FAM120B: variants seen among roughly 807,000 people sequenced by gnomAD.
The protein encoded by FAM120B is family with sequence similarity 120 member B.
Under a neutral mutation model 96.3 loss-of-function variants are expected in FAM120B, and 83 were observed. That is an observed-to-expected ratio of 0.86 (90% confidence interval 0.72 to 1.03). The LOEUF (loss-of-function observed/expected upper bound fraction) is 1.03. Among genes scored for constraint, FAM120B ranks in the 50% least tolerant of loss-of-function variants. The pLI is 0.00. For missense variants in FAM120B, 1,027 were observed against 1,121.2 expected, an observed-to-expected ratio of 0.92 and a Z score of 1.20; for synonymous variants, 407 against 402.7, an observed-to-expected ratio of 1.01 and a Z score of -0.13.
At chr6:170,321,426 T>C (rs1180645436) in intron 2 of FAM120B, among the ~76,000 whole-genome samples, 1 of 152,220 alleles carries the variant, frequency 6.6e-6, no homozygotes, top group East Asian at 1.9e-4. Context: ...AGGGTCTCAC[T>C]GTCACCCAGG....
chr6:170,391,878 T>C (rs1790498251), intron 8 of FAM120B, among the ~76,000 whole-genome samples: 1 of 152,224 alleles, frequency 6.6e-6, no homozygotes, highest in African/African-American at 2.4e-5. Flanking sequence ...GTGAGTACAC[T>C]CCATGCAGTT....
intron 4 of FAM120B, among the ~76,000 whole-genome samples, chr6:170,339,416 C>CT (rs1352107356): frequency 6.6e-6 from 1 of 151,620 alleles, no homozygotes; most frequent in African/African-American, 2.4e-5. Flanking sequence ...AAGTATGTAA[C>CT]TTGAAATCCT....
At chr6:170,378,034 C>G (rs946876797) in intron 6 of FAM120B, among the ~76,000 whole-genome samples, 1 of 152,218 alleles carries the variant, frequency 6.6e-6, no homozygotes, top group Non-Finnish European at 1.5e-5. Flanking sequence ...CCCTTTCAAG[C>G]TATGACCTTT....
intron 9 of FAM120B, among the ~76,000 whole-genome samples, chr6:170,401,519 G>A (rs1220104497): frequency 6.6e-6 from 1 of 152,190 alleles, no homozygotes; most frequent in Non-Finnish European, 1.5e-5. Context: ...GGGCCAGGGA[G>A]CAGGGAGGGA....
chr6:170,366,930 A>G (rs1788841447), intron 6 of FAM120B, among the ~76,000 whole-genome samples: 1 of 151,862 alleles, frequency 6.6e-6, no homozygotes. Context: ...TGCCATATTC[A>G]TATTCAGGAC....
chr6:170,363,522 G>A lies in FAM120B; in HGVS notation c.2283+5204G>A, dbSNP rs1788592701. On this transcript the variant is annotated intron_variant, in intron 6 of 10. Coordinates refer to ENST00000476287, the MANE Select transcript of FAM120B (RefSeq NM_032448.3). The surrounding 1 kb of genome is among the most constrained non-coding windows in gnomAD (Gnocchi z 4.5). ...ACAGCAAGCTGTGTGTGCTGTGTTT[G>A]TTAACATAGAGTGTGATGACTGATC... 1.3e-5 allele frequency among the ~76,000 whole-genome samples: 2 copies of A among 152,232 alleles called. No homozygotes were observed. The highest frequency in any genetic ancestry group is 2.9e-5 in the Non-Finnish European group (2 of 68,050).
intron 6 of FAM120B, among the ~76,000 whole-genome samples, chr6:170,377,226 G>A (rs1220125439): frequency 2.8e-5 from 3 of 106,062 alleles, no homozygotes; most frequent in Admixed American, 8.7e-5. Context: ...CTGTGCACAC[G>A]CGTCCCTAAT....
At chr6:170,376,730 G>A (rs1789543797) in intron 6 of FAM120B, among the ~76,000 whole-genome samples, 1 of 152,336 alleles carries the variant, frequency 6.6e-6, no homozygotes, top group African/African-American at 2.4e-5. Context: ...ATCTTTTGAG[G>A]CGTTCGAATG....
chr6:170,297,973 G>C (rs1468760729), intron 1 of FAM120B: 4 of 152,176 alleles, frequency 2.6e-5, no homozygotes, highest in African/African-American at 9.7e-5. Flanking sequence ...TCAGATGTAA[G>C]ACTTAGATTT....
chr6:170,358,676 G>T (rs9295398), intron 6 of FAM120B, among the ~76,000 whole-genome samples: 1 of 152,062 alleles, frequency 6.6e-6, no homozygotes. Flanking sequence ...GCTGCTGGCT[G>T]AAGGGTGGGG....
upstream of FAM120B, among the ~76,000 whole-genome samples, chr6:170,293,082 A>C (rs1340438611): frequency 1.3e-5 from 2 of 152,166 alleles, no homozygotes; most frequent in African/African-American, 4.8e-5. Flanking sequence ...ACCTAGTGTC[A>C]GGATCCTTTT....
intron 4 of FAM120B, among the ~76,000 whole-genome samples, chr6:170,334,995 T>G (rs1329767521): frequency 6.6e-6 from 1 of 152,118 alleles, no homozygotes; most frequent in Admixed American, 6.6e-5. Flanking sequence ...TTTGTTCATC[T>G]AAAGATTCAC....
chr6:170,336,939 A>ACAATGGGGTTTTCTAAATATACACAGAC (rs1434172216), intron 4 of FAM120B, among the ~76,000 whole-genome samples: 1 of 152,182 alleles, frequency 6.6e-6, no homozygotes, highest in Admixed American at 6.5e-5. Context: ...TTGGGCTGAG[A>ACAATGGGGTTTTCTAAATATACACAGAC]CAATGGGGTT....
At chr6:170,398,747 G>C (rs933113209) in intron 9 of FAM120B, among the ~76,000 whole-genome samples, 1 of 149,404 alleles carries the variant, frequency 6.7e-6, no homozygotes, top group African/African-American at 2.5e-5. Flanking sequence ...GAGTGAGTGA[G>C]AAAGGTAGAA....
intron 6 of FAM120B, among the ~76,000 whole-genome samples, chr6:170,369,486 G>T (rs929594862): frequency 6.6e-6 from 1 of 152,186 alleles, no homozygotes; most frequent in Non-Finnish European, 1.5e-5. Flanking sequence ...GAGGAAGCAA[G>T]AAAAGGTAAG....
intron 4 of FAM120B, among the ~76,000 whole-genome samples, chr6:170,345,543 T>C (rs1787123733): frequency 6.6e-6 from 1 of 152,262 alleles, no homozygotes; most frequent in Non-Finnish European, 1.5e-5. Flanking sequence ...TGTTCATCTT[T>C]CATGTGGGGC....
intron 1 of FAM120B, among the ~76,000 whole-genome samples, chr6:170,297,336 G>A (rs1274230742): frequency 6.6e-6 from 1 of 152,250 alleles, no homozygotes; most frequent in East Asian, 1.9e-4. Context: ...CTCCCTTTCT[G>A]TGAGCATCTG....
intron 9 of FAM120B, among the ~76,000 whole-genome samples, chr6:170,400,783 G>GTT (rs767849212): frequency 6.6e-6 from 1 of 152,192 alleles, no homozygotes; most frequent in Non-Finnish European, 1.5e-5. Flanking sequence ...CAGTATCGCT[G>GTT]TTCTTGCAGA....
intron 6 of FAM120B, 122 bp downstream of exon 6, chr6:170,358,440 T>C (rs1776953912): frequency 4.2e-6 from 3 of 721,752 alleles, no homozygotes; most frequent in Admixed American, 5.0e-5. Context: ...TCAGGATCTT[T>C]TCGTGATGCA....
Sources: allele counts gnomAD v4.1 joint callset (sites outside exome capture counted in the v4.1 genomes callset), GRCh38; gene constraint gnomAD v4.1.1; non-coding constraint Gnocchi (gnomAD v3.1); transcripts MANE v1.5; gene names NCBI Gene and HGNC (gene_info 2026-07-23, HGNC 2026-07-21).